The following PRRX1 variants were observed in gnomAD, a reference collection of about 807,000 sequenced individuals.
PRRX1 encodes the protein paired related homeobox 1.
PRRX1 carries 8 observed loss-of-function variants against 24.0 expected under a neutral mutation model. That is an observed-to-expected ratio of 0.33 (90% CI 0.20 to 0.60). PRRX1 has a LOEUF of 0.60. PRRX1 is among the 20% of genes least tolerant of loss of function. The pLI, the probability that PRRX1 is intolerant of heterozygous loss-of-function variation, is 0.82. For missense variants in PRRX1, 281 were observed against 322.4 expected (o/e 0.87, Z 0.98); for synonymous variants, 160 against 131.7 (o/e 1.22, Z -1.47).
At chr1:170,674,943 A>G (rs868659393) in intron 1 of PRRX1, among the ~76,000 whole-genome samples, 40 of 152,354 alleles carry the variant, frequency 2.6e-4, no homozygotes, top group African/African-American at 9.1e-4. Context: ...AATTGGCATC[A>G]TATTGCATTA....
chr1:170,727,049 C>T (rs752633829), intron 3 of PRRX1: 4 of 152,068 alleles, frequency 2.6e-5, no homozygotes, highest in Non-Finnish European at 5.9e-5. Context: ...TAATTCTTGT[C>T]TACTTGTCTG....
At chr1:170,703,499 T>C (rs978719944) in intron 1 of PRRX1, among the ~76,000 whole-genome samples, 13 of 152,256 alleles carry the variant, frequency 8.5e-5, no homozygotes, top group Non-Finnish European at 1.6e-4. Context: ...TCATATTGAC[T>C]TGACATTACA....
chr1:170,667,878 G>C (rs7532461), intron 1 of PRRX1: 17,785 of 152,122 alleles, frequency 0.12, 1,126 homozygotes, highest in African/African-American at 0.14. Flanking sequence ...TTCAATATTA[G>C]ATTCTTAATT....
intron 1 of PRRX1, among the ~76,000 whole-genome samples, chr1:170,695,178 G>C (rs1236940181): frequency 1.3e-5 from 2 of 152,132 alleles, no homozygotes; most frequent in Non-Finnish European, 2.9e-5. Flanking sequence ...GAGACAGAAG[G>C]AGCTAGAGAG....
chr1:170,703,803 T>C (rs935291921), intron 1 of PRRX1, among the ~76,000 whole-genome samples: 6 of 152,198 alleles, frequency 3.9e-5, no homozygotes, highest in African/African-American at 1.4e-4. Context: ...GGCTCTGTCT[T>C]CTAATTAATG....
rs1455899102 is a variant in PRRX1 at position 170,714,603 on chromosome 1, T to C, written c.242-5123T>C. On this transcript the variant is annotated intron_variant, in intron 1 of 3. Coordinates refer to ENST00000239461, the MANE Select transcript of PRRX1 (RefSeq NM_022716.4). ...AATTACGTTTGGCTGACCAATGATT[T>C]GGAATCTCTAAGGTTCCTCCCACAG... 5.3e-5 allele frequency among the ~76,000 whole-genome samples: 8 copies of C among 152,346 alleles called. No homozygotes were observed. In the East Asian group the frequency reaches 1.2e-3, roughly 22 times the overall value.
intron 1 of PRRX1, among the ~76,000 whole-genome samples, chr1:170,672,686 A>G (rs1160006215): frequency 6.6e-6 from 1 of 152,252 alleles, no homozygotes; most frequent in Non-Finnish European, 1.5e-5. Context: ...GAGCCAGGAT[A>G]TGCTAAGTTC....
chr1:170,739,362 G>T lies in PRRX1; in HGVS notation c.*3176G>T, dbSNP rs1376034976. ...AATATACATTGTTTGCGCTAGAATA[G>T]AAATGATTTCTTTTCAATAAAAAGA... On this transcript the variant is annotated 3_prime_UTR_variant, in exon 4 of 4. Transcript: ENST00000239461. 1 of 177,508 alleles carries T rather than the reference G, an allele frequency of 5.6e-6. No individual in the cohort carries two copies. The highest frequency in any genetic ancestry group is 1.2e-5 in the Non-Finnish European group (1 of 82,346). The allele number at this position is 177,508 out of a possible 1,614,324, so 11.0% of individuals were successfully genotyped here. A position where few individuals can be genotyped will look rare whatever the true frequency, so the allele number is the denominator to read the frequency against.
intron 2 of PRRX1, among the ~76,000 whole-genome samples, chr1:170,724,120 C>T (rs1441912490): frequency 6.6e-6 from 1 of 152,142 alleles, no homozygotes; most frequent in Non-Finnish European, 1.5e-5. Flanking sequence ...CGTTTGCCCA[C>T]TTTTTCATGG....
intron 3 of PRRX1, among the ~76,000 whole-genome samples, chr1:170,729,706 A>G (rs968079275): frequency 2.0e-5 from 3 of 152,190 alleles, no homozygotes; most frequent in Non-Finnish European, 2.9e-5. Flanking sequence ...AGCATGTTAG[A>G]GGTGATGACA....
At chr1:170,666,834 G>A (rs1300785041) in intron 1 of PRRX1, among the ~76,000 whole-genome samples, 1 of 152,122 alleles carries the variant, frequency 6.6e-6, no homozygotes, top group East Asian at 1.9e-4. Context: ...TGGCCTTAGA[G>A]TGGGTATGGA....
intron 1 of PRRX1, among the ~76,000 whole-genome samples, chr1:170,712,262 C>CA (rs759404366): frequency 4.0e-5 from 6 of 151,876 alleles, no homozygotes; most frequent in East Asian, 1.9e-4. Flanking sequence ...TGAATAATAG[C>CA]AAAAAAATGC....
chr1:170,697,718 A>G (rs1270031522), intron 1 of PRRX1, among the ~76,000 whole-genome samples: 3 of 145,440 alleles, frequency 2.1e-5, no homozygotes, highest in Non-Finnish European at 4.5e-5. Context: ...ACATATATAG[A>G]TATATAAATA....
At chr1:170,723,651 TC>T (rs1174822688) in intron 2 of PRRX1, among the ~76,000 whole-genome samples, 1 of 152,246 alleles carries the variant, frequency 6.6e-6, no homozygotes, top group Non-Finnish European at 1.5e-5. Flanking sequence ...CAGATTACAG[TC>T]ATACAATGCT....
At chr1:170,689,036 C>A (rs1357108791) in intron 1 of PRRX1, among the ~76,000 whole-genome samples, 1 of 152,026 alleles carries the variant, frequency 6.6e-6, no homozygotes, top group Non-Finnish European at 1.5e-5. Flanking sequence ...ATATTTGAGA[C>A]TTTTTCTTCA....
chr1:170,735,049 T>A (rs1655559655), intron 3 of PRRX1, among the ~76,000 whole-genome samples: 2 of 152,200 alleles, frequency 1.3e-5, no homozygotes, highest in South Asian at 4.1e-4. Context: ...ATTTTGCTAA[T>A]CTTAGAAGCA....
At chr1:170,680,213 CGTT>C in intron 1 of PRRX1, among the ~76,000 whole-genome samples, 1 of 151,730 alleles carries the variant, frequency 6.6e-6, no homozygotes. Flanking sequence ...AATTATGAAT[CGTT>C]GTCCAAAGGA....
chr1:170,721,872 G>T (rs887760106), intron 2 of PRRX1, among the ~76,000 whole-genome samples: 7 of 151,786 alleles, frequency 4.6e-5, no homozygotes, highest in African/African-American at 1.7e-4. Flanking sequence ...GTGGTGTAAT[G>T]AATACTTTTA....
intron 1 of PRRX1, among the ~76,000 whole-genome samples, chr1:170,677,431 A>G (rs147425210): frequency 1.3e-5 from 2 of 152,374 alleles, no homozygotes; most frequent in East Asian, 3.9e-4. Context: ...TGGGAATGGT[A>G]GTAGGGTACT....
Sources: gnomAD v4.1 joint callset for allele counts (sites outside exome capture counted in the v4.1 genomes callset) on GRCh38, gnomAD v4.1.1 for gene constraint, MANE v1.5 for transcripts, NCBI Gene and HGNC (gene_info 2026-07-23, HGNC 2026-07-21) for gene names.